Variants in XRRA1 observed in about 807,000 individuals in gnomAD.
XRRA1 encodes the protein X-ray radiation resistance associated 1.
In XRRA1, 69 loss-of-function variants were observed where a neutral mutation model predicts 80.2. The observed-to-expected ratio is 0.86, with a 90% CI of 0.71 to 1.05. The LOEUF is 1.05. XRRA1 is among the 50% of genes least tolerant of loss of function. The probability of loss-of-function intolerance (pLI) is 0.00; values close to 1 mark genes in which losing one functional copy is unlikely to be tolerated. For synonymous variants in XRRA1, 348 were observed against 389.9 expected (o/e 0.89, Z 1.27); for missense variants, 967 against 976.4 (o/e 0.99, Z 0.13).
At position 74,882,535 on chromosome 11, in the gene XRRA1, T is replaced by G. The variant is rs11236265; in HGVS notation, c.1004-19514A>C. Among the ~76,000 whole-genome samples the G allele has an allele frequency of 1.4e-3, 208 of 152,350 alleles. 3 individuals are homozygous for G. In the East Asian group the frequency reaches 0.036, roughly 27 times the overall value. ...CGTCAAAGTCATTCTCCATCCAGGT[T>G]TGTTCCGTTGCTGGTGAGGAACTGC... On this transcript the variant is annotated intron_variant, in intron 10 of 18. Coordinates refer to ENST00000684022, the MANE Select transcript of XRRA1 (RefSeq NM_001378157.1).
chr11:74,884,026 C>T (rs2048404032), intron 10 of XRRA1, among the ~76,000 whole-genome samples: 2 of 152,050 alleles, frequency 1.3e-5, no homozygotes, highest in Non-Finnish European at 2.9e-5. Context: ...TGGTGAAACC[C>T]CATCTTTACT....
intron 10 of XRRA1, among the ~76,000 whole-genome samples, chr11:74,864,267 G>A (rs190301880): frequency 2.3e-4 from 35 of 152,286 alleles, no homozygotes; most frequent in Admixed American, 6.5e-4. Context: ...ACTCATACAT[G>A]TGCTGGATAG....
intron 4 of XRRA1, among the ~76,000 whole-genome samples, chr11:74,936,240 C>A (rs774293601): frequency 9.2e-5 from 14 of 152,248 alleles, no homozygotes; most frequent in Non-Finnish European, 1.0e-4. Flanking sequence ...AACTACCTGG[C>A]TGGTCTCCAA....
chr11:74,867,917 CTT>C (rs60520990), intron 10 of XRRA1, among the ~76,000 whole-genome samples: 34 of 106,744 alleles, frequency 3.2e-4, no homozygotes, highest in Admixed American at 1.1e-3. Context: ...TATAGTCAAT[CTT>C]TTTTTTTTTT....
intron 10 of XRRA1, among the ~76,000 whole-genome samples, chr11:74,866,475 T>G (rs1354442036): frequency 6.6e-6 from 1 of 151,814 alleles, no homozygotes; most frequent in East Asian, 1.9e-4. Context: ...AGGCTGGTCT[T>G]GAACTCCTGG....
chr11:74,946,389 A>G (rs969155138), intron 1 of XRRA1, among the ~76,000 whole-genome samples: 3 of 152,188 alleles, frequency 2.0e-5, no homozygotes, highest in African/African-American at 7.2e-5. Flanking sequence ...GTGGTCCCCC[A>G]TGCTGTCCTC....
At chr11:74,884,014 C>A (rs150271331) in intron 10 of XRRA1, among the ~76,000 whole-genome samples, 2 of 152,052 alleles carry the variant, frequency 1.3e-5, no homozygotes, top group African/African-American at 2.4e-5. Flanking sequence ...CCTGGGCTAA[C>A]ATGGTGAAAC....
At chr11:74,879,350 T>A (rs1382917420) in intron 10 of XRRA1, among the ~76,000 whole-genome samples, 1 of 152,196 alleles carries the variant, frequency 6.6e-6, no homozygotes, top group African/African-American at 2.4e-5. Flanking sequence ...CTTATCAGCT[T>A]AAGGAGATTT....
At chr11:74,889,519 C>T (rs996259709) in intron 10 of XRRA1, among the ~76,000 whole-genome samples, 11 of 152,298 alleles carry the variant, frequency 7.2e-5, no homozygotes, top group African/African-American at 2.4e-4. Flanking sequence ...AACCAGCTAA[C>T]ATCATAATGA....
At chr11:74,858,378 A>G (rs1415991125) in intron 12 of XRRA1, among the ~76,000 whole-genome samples, 1 of 152,226 alleles carries the variant, frequency 6.6e-6, no homozygotes, top group Non-Finnish European at 1.5e-5. Context: ...GTCTCACACT[A>G]TATATAAAGA....
At chr11:74,850,330 C>T (rs2039452884) in intron 14 of XRRA1, among the ~76,000 whole-genome samples, 1 of 152,130 alleles carries the variant, frequency 6.6e-6, no homozygotes, top group Non-Finnish European at 1.5e-5. Context: ...GGGGCAGATC[C>T]TTAAGAGGAG....
intron 4 of XRRA1, among the ~76,000 whole-genome samples, chr11:74,934,886 A>G (rs890579958): frequency 3.9e-5 from 6 of 152,228 alleles, no homozygotes; most frequent in African/African-American, 1.4e-4. Flanking sequence ...CATCACATAG[A>G]TGAGAAGACA....
chr11:74,900,041 T>C (rs1209157296), intron 10 of XRRA1, among the ~76,000 whole-genome samples: 1 of 151,990 alleles, frequency 6.6e-6, no homozygotes, highest in Non-Finnish European at 1.5e-5. Flanking sequence ...GGCAGACACC[T>C]GTAATCCCAG....
At chr11:74,878,405 T>C (rs1223913917) in intron 10 of XRRA1, among the ~76,000 whole-genome samples, 2 of 151,708 alleles carry the variant, frequency 1.3e-5, no homozygotes, top group Non-Finnish European at 1.5e-5. Context: ...TTCTCCCATT[T>C]TGTAGGTTGC....
chr11:74,877,917 A>G (rs997633428), intron 10 of XRRA1, among the ~76,000 whole-genome samples: 3 of 151,932 alleles, frequency 2.0e-5, no homozygotes, highest in Non-Finnish European at 4.4e-5. Flanking sequence ...ATGCTGCAAT[A>G]AACATACGTG....
chr11:74,877,822 A>G (rs1291236358), intron 10 of XRRA1, among the ~76,000 whole-genome samples: 3 of 152,052 alleles, frequency 2.0e-5, no homozygotes, highest in Non-Finnish European at 2.9e-5. Flanking sequence ...ATAGTATTCT[A>G]TGGTGTTTAT....
rs191860105 is a variant in XRRA1 at position 74,887,756 on chromosome 11, C to T, written c.1003+18483G>A. Among the ~76,000 whole-genome samples the T allele has an allele frequency of 3.2e-4, 49 of 152,268 alleles. No homozygotes were observed. The East Asian group carries it at 8.3e-3, about 26-fold the overall frequency. On this transcript the variant is annotated intron_variant, in intron 10 of 18. Coordinates refer to ENST00000684022, the MANE Select transcript of XRRA1 (RefSeq NM_001378157.1). ...GCGCTTTTCCAACAGTCTTAGCAAA[C>T]GGCACACCAAGAGATTATATCCCGC...
At chr11:74,848,081 C>G (rs985626746) in intron 15 of XRRA1, 34 bp downstream of exon 15, 5 of 1,575,160 alleles carry the variant, frequency 3.2e-6, no homozygotes, top group Non-Finnish European at 4.3e-6. Context: ...TGGGAGCTAG[C>G]AACAAGTGGG....
chr11:74,863,115 C>G lies in XRRA1; in HGVS notation c.1004-94G>C. 3 of 1,181,502 alleles carry G rather than the reference C, an allele frequency of 2.5e-6. No homozygotes were observed. The East Asian group carries it at 7.6e-5, about 30-fold the overall frequency. The allele number at this position is 1,181,502 out of a possible 1,614,324, so 73.2% of individuals were successfully genotyped here. ...TAGGTCTGCCATCCACTGTGTGCAG[C>G]AGGGCACCTCCTAGAGGGAGTTCTC... On this transcript the variant is annotated intron_variant, in intron 10 of 18. Coordinates refer to ENST00000684022, the MANE Select transcript of XRRA1 (RefSeq NM_001378157.1).
Sources: gnomAD v4.1 joint callset for allele counts (sites outside exome capture counted in the v4.1 genomes callset) on GRCh38, gnomAD v4.1.1 for gene constraint, MANE v1.5 for transcripts, NCBI Gene and HGNC (gene_info 2026-07-23, HGNC 2026-07-21) for gene names.